The following HS6ST3 variants were observed in gnomAD, a reference collection of about 807,000 sequenced individuals.
HS6ST3 encodes the protein heparan-sulfate 6-O-sulfotransferase 3.
Under a neutral mutation model 36.7 loss-of-function variants are expected in HS6ST3, and 12 were observed. The observed-to-expected ratio is 0.33, with a 90% CI of 0.21 to 0.53. The LOEUF (loss-of-function observed/expected upper bound fraction) is 0.53. HS6ST3 is among the 20% of genes least tolerant of loss of function. The pLI, the probability that HS6ST3 is intolerant of heterozygous loss-of-function variation, is 0.95. For synonymous variants in HS6ST3, 240 were observed against 257.5 expected (o/e 0.93, Z 0.65); for missense variants, 584 against 640.9 (o/e 0.91, Z 0.96).
chr13:96,767,413 A>G (rs1877145708), intron 1 of HS6ST3, among the ~76,000 whole-genome samples: 1 of 152,188 alleles, frequency 6.6e-6, no homozygotes. Context: ...TGTTCTCATT[A>G]CCACTGGTTT....
chr13:96,372,233 T>C (rs1197363184), intron 1 of HS6ST3, among the ~76,000 whole-genome samples: 1 of 152,214 alleles, frequency 6.6e-6, no homozygotes, highest in African/African-American at 2.4e-5. Flanking sequence ...CTCTGATGAC[T>C]ACTGATGTTG....
intron 1 of HS6ST3, among the ~76,000 whole-genome samples, chr13:96,550,761 GAGTA>G (rs1384220186): frequency 1.3e-4 from 20 of 151,050 alleles, no homozygotes; most frequent in African/African-American, 4.4e-4. Flanking sequence ...AGTTTTAGAT[GAGTA>G]AGTAACTTTT....
rs1487131504 is a variant in HS6ST3, at chr13:96,222,375, A to G, written c.707+130806A>G. 2.6e-5 allele frequency among the ~76,000 whole-genome samples: 4 copies of G among 152,342 alleles called. No individual in the cohort carries two copies. The East Asian group carries it at 5.8e-4, about 22-fold the overall frequency. ...CAACATTTCTTGTGGTACAGCATCA[A>G]CTTCATTTTTCCTGGGCTGAAGATT... On this transcript the variant is annotated intron_variant, in intron 1 of 1. Coordinates refer to ENST00000376705, the MANE Select transcript of HS6ST3 (RefSeq NM_153456.4).
At chr13:96,317,327 T>G (rs1235801808) in intron 1 of HS6ST3, among the ~76,000 whole-genome samples, 3 of 16,686 alleles carry the variant, frequency 1.8e-4, no homozygotes, top group Admixed American at 1.2e-3. Context: ...AGTATTCCAT[T>G]ATATATATAT....
chr13:96,340,539 A>T (rs1175444068), intron 1 of HS6ST3, among the ~76,000 whole-genome samples: 1 of 152,164 alleles, frequency 6.6e-6, no homozygotes, highest in Non-Finnish European at 1.5e-5. Flanking sequence ...AGCTGTGAGG[A>T]CCCTGATTCT....
chr13:96,515,992 T>C (rs962585748), intron 1 of HS6ST3, among the ~76,000 whole-genome samples: 1 of 152,128 alleles, frequency 6.6e-6, no homozygotes, highest in East Asian at 1.9e-4. Context: ...CCAGTTCTTT[T>C]GTTGCATTGT....
rs149757861 is a variant in HS6ST3, at chr13:96,413,387, C to T, written c.707+321818C>T. Among the ~76,000 whole-genome samples, 528 of 151,948 alleles carry T rather than the reference C, an allele frequency of 3.5e-3. 2 individuals carry two copies. The highest frequency in any genetic ancestry group is 0.012 in the African/African-American group (495 of 41,422). On this transcript the variant is annotated intron_variant, in intron 1 of 1. Coordinates refer to ENST00000376705, the MANE Select transcript of HS6ST3 (RefSeq NM_153456.4). ...CAAATTATTTTATCTTTAGAATGAG[C>T]GGAAAATAACTAGTACAGTTTTGGA...
intron 1 of HS6ST3, among the ~76,000 whole-genome samples, chr13:96,526,388 C>T (rs1400062986): frequency 6.6e-6 from 1 of 152,128 alleles, no homozygotes; most frequent in Non-Finnish European, 1.5e-5. Flanking sequence ...GAATTATTTC[C>T]TCTAATCAGT....
chr13:96,197,366 G>A (rs2139349356), intron 1 of HS6ST3, among the ~76,000 whole-genome samples: 1 of 152,288 alleles, frequency 6.6e-6, no homozygotes, highest in East Asian at 1.9e-4. Flanking sequence ...CCATGATGCA[G>A]TTACCTTCCC....
intron 1 of HS6ST3, among the ~76,000 whole-genome samples, chr13:96,262,870 T>G (rs763340788): frequency 2.6e-5 from 4 of 152,190 alleles, no homozygotes; most frequent in Non-Finnish European, 5.9e-5. Context: ...TTTATATTAT[T>G]AAGTATGAGT....
chr13:96,525,206 A>C (rs1177404571), intron 1 of HS6ST3, among the ~76,000 whole-genome samples: 2 of 152,110 alleles, frequency 1.3e-5, no homozygotes, highest in African/African-American at 4.8e-5. Flanking sequence ...CTCTCTCCTC[A>C]CACTAGTTTT....
intron 1 of HS6ST3, among the ~76,000 whole-genome samples, chr13:96,262,363 GAA>G (rs757637426): frequency 1.1e-4 from 17 of 152,116 alleles, no homozygotes; most frequent in Non-Finnish European, 2.4e-4. Flanking sequence ...ATTAAAGTGG[GAA>G]AGTCTGAAAT....
chr13:96,182,088 G>A (rs1304221688), intron 1 of HS6ST3, among the ~76,000 whole-genome samples: 9 of 152,088 alleles, frequency 5.9e-5, no homozygotes, highest in Admixed American at 4.6e-4. Flanking sequence ...GTAACTAGTT[G>A]GCAAAGGAAT....
chr13:96,471,483 A>C (rs2055839974), intron 1 of HS6ST3, among the ~76,000 whole-genome samples: 1 of 152,142 alleles, frequency 6.6e-6, no homozygotes, highest in Non-Finnish European at 1.5e-5. Context: ...GGGGGTCATG[A>C]GCTGAACAGG....
intron 1 of HS6ST3, among the ~76,000 whole-genome samples, chr13:96,755,539 A>G (rs1207135920): frequency 6.6e-6 from 1 of 151,768 alleles, no homozygotes; most frequent in African/African-American, 2.4e-5. Flanking sequence ...TAATTTTTGT[A>G]TTTTTAGTAG....
intron 1 of HS6ST3, among the ~76,000 whole-genome samples, chr13:96,125,935 C>G (rs182528913): frequency 6.6e-6 from 1 of 152,080 alleles, no homozygotes; most frequent in Non-Finnish European, 1.5e-5. Flanking sequence ...CCCCACTCCC[C>G]CTACCCCACA....
chr13:96,354,273 T>C (rs1174142630), intron 1 of HS6ST3, among the ~76,000 whole-genome samples: 2 of 152,174 alleles, frequency 1.3e-5, no homozygotes, highest in African/African-American at 2.4e-5. Context: ...AGAACACTGG[T>C]TGCTATAAAA....
chr13:96,151,503 C>T (rs921917792), intron 1 of HS6ST3, among the ~76,000 whole-genome samples: 3 of 151,868 alleles, frequency 2.0e-5, no homozygotes, highest in Admixed American at 6.6e-5. Context: ...GATGGATATA[C>T]GCACAGTGTC....
intron 1 of HS6ST3, among the ~76,000 whole-genome samples, chr13:96,409,887 C>G (rs1465950568): frequency 1.3e-5 from 2 of 151,922 alleles, no homozygotes; most frequent in African/African-American, 4.8e-5. Context: ...TAAAAGCAAG[C>G]TTGAAAAGAA....
Sources: allele counts gnomAD v4.1 joint callset (sites outside exome capture counted in the v4.1 genomes callset), GRCh38; gene constraint gnomAD v4.1.1; transcripts MANE v1.5; gene names NCBI Gene and HGNC (gene_info 2026-07-23, HGNC 2026-07-21).